The following NRXN1 variants were observed in gnomAD, a reference collection of about 807,000 sequenced individuals.
NRXN1 encodes neurexin-1.
NRXN1 carries 39 observed loss-of-function variants against 150.9 expected under a neutral mutation model. The ratio of observed to expected loss-of-function variants is 0.26; its 90% CI spans 0.20 to 0.34. The LOEUF is 0.34. Ranked by LOEUF, NRXN1 falls within the 10% of genes least tolerant of loss-of-function variation. The probability of loss-of-function intolerance (pLI) is 1.00; values close to 1 mark genes in which losing one functional copy is unlikely to be tolerated. For missense variants in NRXN1, 1,815 were observed against 1,949.9 expected (o/e 0.93, Z 1.30); for synonymous variants, 924 against 757.0 (o/e 1.22, Z -3.62).
In NRXN1 at chr2:51,027,919, T is replaced by C. The variant is rs1332513766; in HGVS notation, c.355A>G (p.Ile119Val). 4.4e-6 allele frequency: 7 copies of C among 1,607,300 alleles called. No homozygotes were observed. Among genetic ancestry groups the C allele is most frequent in the Non-Finnish European group, 5.9e-6 (7 of 1,179,672 alleles). Reference sequence around the variant, plus strand: ...GTGGTGTTGCGGAACTGGCGGCGGATGCGCACGCTGTGCCAGGCGCCGTCG... The same window carrying C: ...GTGGTGTTGCGGAACTGGCGGCGGACGCGCACGCTGTGCCAGGCGCCGTCG... Reference protein sequence around the residue: ...VNDGAWHSVRIRRQFRNTTLF... With the variant: ...VNDGAWHSVRVRRQFRNTTLF... The change falls in exon 2 of 23, where the codon ATC (isoleucine) becomes GTC (valine). Residue 119 changes from isoleucine (I) to valine (V), a missense_variant. Physicochemically the swap from Ile to Val is conservative, Grantham distance 29 (BLOSUM62 3). This residue lies in a region of NRXN1 where 554 missense variants were observed against 478.8 expected (regional missense o/e 1.16). Coordinates refer to ENST00000401669, the MANE Select transcript of NRXN1 (RefSeq NM_001330078.2).
intron 21 of NRXN1, among the ~76,000 whole-genome samples, chr2:50,034,286 T>G (rs748844393): frequency 5.3e-5 from 8 of 152,110 alleles, no homozygotes; most frequent in Admixed American, 2.0e-4. Flanking sequence ...TTGTGGTATA[T>G]GTACACCATG....
At position 50,346,799 on chromosome 2, in the gene NRXN1, C is replaced by A. The variant is rs201698370; in HGVS notation, c.3365-109829G>T. 1 of 1,613,262 alleles carries A rather than the reference C, an allele frequency of 6.2e-7. No homozygotes were observed. Among genetic ancestry groups the A allele is most frequent in the Admixed American group, 1.7e-5 (1 of 60,002 alleles). Reference sequence around the variant, plus strand: ...ATGTGGTGCGCTCCCAAACTGGATGCCCCCCACGCCACTCCTAGGAGGCCG... The same window carrying A: ...ATGTGGTGCGCTCCCAAACTGGATGACCCCCACGCCACTCCTAGGAGGCCG... On this transcript the variant is annotated intron_variant, in intron 17 of 22. Coordinates refer to ENST00000401669, the MANE Select transcript of NRXN1 (RefSeq NM_001330078.2). This position sits in a 1 kb window ranked among gnomAD's most constrained non-coding sequence, Gnocchi z 5.0.
At chr2:50,404,159 T>TTTTGTTTG (rs1444733578) in intron 17 of NRXN1, among the ~76,000 whole-genome samples, 1 of 148,104 alleles carries the variant, frequency 6.8e-6, no homozygotes, top group Non-Finnish European at 1.5e-5. Flanking sequence ...GTTTAGTTTT[T>TTTTGTTTG]TTTTGTTTGT....
chr2:50,210,905 C>T (rs2062968802), intron 18 of NRXN1, among the ~76,000 whole-genome samples: 1 of 151,588 alleles, frequency 6.6e-6, no homozygotes. Context: ...AAGACTTGCA[C>T]TTTGCTCAAA....
At chr2:50,923,839 A>G (rs1455964698) in intron 3 of NRXN1, among the ~76,000 whole-genome samples, 1 of 151,764 alleles carries the variant, frequency 6.6e-6, no homozygotes. Flanking sequence ...TTTTCTTAAA[A>G]TTTTAGGGGT....
chr2:50,203,906 CA>C (rs1432720393), intron 18 of NRXN1, among the ~76,000 whole-genome samples: 3 of 152,008 alleles, frequency 2.0e-5, no homozygotes, highest in African/African-American at 7.2e-5. Context: ...TGGGGAAAAA[CA>C]ATTCTGAATT....
At chr2:50,412,149 C>T (rs904452312) in intron 17 of NRXN1, among the ~76,000 whole-genome samples, 1 of 151,982 alleles carries the variant, frequency 6.6e-6, no homozygotes, top group African/African-American at 2.4e-5. Flanking sequence ...TCCCTAATCT[C>T]AAGTACCCAG....
intron 17 of NRXN1, among the ~76,000 whole-genome samples, chr2:50,409,158 C>A (rs966658546): frequency 6.6e-6 from 1 of 152,056 alleles, no homozygotes; most frequent in East Asian, 1.9e-4. Flanking sequence ...ACCCTCTCTG[C>A]CAAATGCTGT....
At chr2:50,618,632 A>G (rs1447887977) in intron 8 of NRXN1, among the ~76,000 whole-genome samples, 2 of 151,986 alleles carry the variant, frequency 1.3e-5, no homozygotes, top group African/African-American at 4.8e-5. Flanking sequence ...CTTCCTCAAG[A>G]AACTTACCTG....
intron 17 of NRXN1, among the ~76,000 whole-genome samples, chr2:50,348,560 A>G (rs1245209877): frequency 6.6e-6 from 1 of 152,252 alleles, no homozygotes; most frequent in Non-Finnish European, 1.5e-5. Flanking sequence ...AAATAGCATC[A>G]GGAAATGAAA....
At chr2:50,216,361 C>T (rs897262071) in intron 18 of NRXN1, among the ~76,000 whole-genome samples, 35 of 151,884 alleles carry the variant, frequency 2.3e-4, no homozygotes, top group Non-Finnish European at 2.9e-5. Context: ...TTTGAAAGAG[C>T]AACACAGTAT....
chr2:50,972,979 C>G (rs1695253751), intron 2 of NRXN1, among the ~76,000 whole-genome samples: 1 of 152,210 alleles, frequency 6.6e-6, no homozygotes, highest in South Asian at 2.1e-4. Flanking sequence ...CTCAGTGGCC[C>G]TGTCCTTTGG....
intron 8 of NRXN1, among the ~76,000 whole-genome samples, chr2:50,555,510 C>T (rs1668098198): frequency 6.6e-6 from 1 of 152,082 alleles, no homozygotes; most frequent in African/African-American, 2.4e-5. Flanking sequence ...ATGCATCTCT[C>T]ATAAAAAAAA....
At chr2:50,884,459 C>A (rs189284747) in intron 5 of NRXN1, among the ~76,000 whole-genome samples, 150 of 151,818 alleles carry the variant, frequency 9.9e-4, no homozygotes, top group African/African-American at 3.5e-3. Context: ...GTGAGCAAAG[C>A]AACTCCAACT....
chr2:50,273,953 TG>T (rs757676927), intron 17 of NRXN1, among the ~76,000 whole-genome samples: 40 of 152,184 alleles, frequency 2.6e-4, no homozygotes, highest in African/African-American at 4.8e-5. Context: ...TCAGCCATTG[TG>T]GAAGACAGTG....
chr2:50,867,733 A>C (rs1376111197), intron 5 of NRXN1, among the ~76,000 whole-genome samples: 1 of 151,842 alleles, frequency 6.6e-6, no homozygotes, highest in Non-Finnish European at 1.5e-5. Context: ...CTTTGGCTAC[A>C]TTTTTAAATC....
At chr2:50,693,572 T>C (rs966123372) in intron 5 of NRXN1, among the ~76,000 whole-genome samples, 2 of 152,120 alleles carry the variant, frequency 1.3e-5, no homozygotes, top group African/African-American at 4.8e-5. Context: ...ACTGCACTAC[T>C]GAAATAAATA....
intron 2 of NRXN1, among the ~76,000 whole-genome samples, chr2:50,984,184 C>G (rs1162687197): frequency 8.1e-6 from 1 of 124,084 alleles, no homozygotes; most frequent in South Asian, 2.7e-4. Context: ...GGGGTTTCAC[C>G]ATGTTGGCTA....
At chr2:50,375,399 A>G (rs1327360879) in intron 17 of NRXN1, among the ~76,000 whole-genome samples, 1 of 150,140 alleles carries the variant, frequency 6.7e-6, no homozygotes, top group African/African-American at 2.5e-5. Context: ...TCACAATTGT[A>G]TAGATGAAGA....
Sources: allele counts gnomAD v4.1 joint callset (sites outside exome capture counted in the v4.1 genomes callset), GRCh38; gene constraint gnomAD v4.1.1; regional missense constraint gnomAD v4.1.1; non-coding constraint Gnocchi (gnomAD v3.1); transcripts MANE v1.5; gene names NCBI Gene and HGNC (gene_info 2026-07-23, HGNC 2026-07-21).